NECAB1: variants seen among roughly 807,000 people sequenced by gnomAD.
The protein encoded by NECAB1 is N-terminal EF-hand calcium binding protein 1.
In NECAB1, 29 loss-of-function variants were observed where a neutral mutation model predicts 57.5. The ratio of observed to expected loss-of-function variants is 0.50; its 90% CI spans 0.38 to 0.69. The LOEUF (loss-of-function observed/expected upper bound fraction) is 0.69, where lower values mean the gene tolerates loss of function less well. Among genes scored for constraint, NECAB1 ranks in the 30% least tolerant of loss-of-function variants. The pLI, the probability that NECAB1 is intolerant of heterozygous loss-of-function variation, is 0.00. For missense variants in NECAB1, 372 were observed against 413.8 expected (o/e 0.90, Z 0.88); for synonymous variants, 142 against 147.7 (o/e 0.96, Z 0.28).
chr8:90,806,989 T>A (rs1811856866), intron 2 of NECAB1, among the ~76,000 whole-genome samples: 1 of 152,202 alleles, frequency 6.6e-6, no homozygotes, highest in Admixed American at 6.5e-5. Context: ...ATTTGGTGAT[T>A]TTTTTTCACT....
At chr8:90,828,170 G>A (rs1298869748) in intron 3 of NECAB1, among the ~76,000 whole-genome samples, 1 of 149,318 alleles carries the variant, frequency 6.7e-6, no homozygotes, top group Non-Finnish European at 1.5e-5. Context: ...GAATTACTTG[G>A]ATCTTTTCAG....
At chr8:90,864,693 C>T (rs1208045602) in intron 3 of NECAB1, among the ~76,000 whole-genome samples, 1 of 151,992 alleles carries the variant, frequency 6.6e-6, no homozygotes, top group African/African-American at 2.4e-5. Flanking sequence ...TTCTCCTACC[C>T]CTCTCTCCCA....
intron 5 of NECAB1, among the ~76,000 whole-genome samples, chr8:90,888,410 C>T (rs977926399): frequency 5.3e-5 from 8 of 152,136 alleles, no homozygotes; most frequent in African/African-American, 1.7e-4. Flanking sequence ...TGCAGACATT[C>T]ATGGGGGATA....
At chr8:90,793,766 A>T (rs1299370137) in intron 1 of NECAB1, among the ~76,000 whole-genome samples, 1 of 152,194 alleles carries the variant, frequency 6.6e-6, no homozygotes, top group African/African-American at 2.4e-5. Context: ...TGTGCTTTTT[A>T]AAAAGCACTT....
At chr8:90,920,221 C>G (rs557730678) in intron 6 of NECAB1, among the ~76,000 whole-genome samples, 35 of 152,220 alleles carry the variant, frequency 2.3e-4, no homozygotes, top group African/African-American at 8.4e-4. Flanking sequence ...AAAATCCCAC[C>G]CCAAATCTGT....
At position 90,881,105 on chromosome 8, in the gene NECAB1, T is replaced by G; in HGVS notation, c.332T>G (p.Leu111Arg). The G allele has an allele frequency of 6.2e-7, 1 of 1,604,622 alleles. No homozygotes were observed. The highest frequency in any genetic ancestry group is 8.5e-7 in the Non-Finnish European group (1 of 1,174,872). The change falls in exon 5 of 13, where the codon CTG (leucine) becomes CGG (arginine). Residue 111 changes from leucine to arginine, a missense_variant. By Grantham distance (102) the Leu-to-Arg change is moderately radical. Coordinates refer to ENST00000417640, the MANE Select transcript of NECAB1 (RefSeq NM_022351.5). Reference sequence around the variant, plus strand: ...CTTGAAGACCTGAATCTTTCCATCCTGAAGGCAATGGGCAAAACAAAGAAA... The same window carrying G: ...CTTGAAGACCTGAATCTTTCCATCCGGAAGGCAATGGGCAAAACAAAGAAA... ...AALEDLNLSI[L>R]KAMGKTKKDY...
At chr8:90,917,961 C>CAT (rs775167636) in intron 6 of NECAB1, among the ~76,000 whole-genome samples, 2 of 38,266 alleles carry the variant, frequency 5.2e-5, no homozygotes, top group African/African-American at 1.3e-3. Context: ...TACACACACA[C>CAT]ATATGTGTGT....
chr8:90,797,056 G>A (rs571478307), intron 1 of NECAB1, among the ~76,000 whole-genome samples: 26 of 152,174 alleles, frequency 1.7e-4, no homozygotes, highest in Non-Finnish European at 2.6e-4. Flanking sequence ...AATAGGATGC[G>A]TTTCATGTCT....
chr8:90,826,136 C>G (rs1209704696), intron 3 of NECAB1, among the ~76,000 whole-genome samples: 1 of 151,738 alleles, frequency 6.6e-6, no homozygotes, highest in Non-Finnish European at 1.5e-5. Flanking sequence ...GAAGAATATT[C>G]TAATCAGAGG....
intron 2 of NECAB1, among the ~76,000 whole-genome samples, chr8:90,822,541 A>G (rs56216319): frequency 0.15 from 23,100 of 151,666 alleles, 3,212 homozygotes; most frequent in African/African-American, 0.37. Context: ...TAATAAGAGG[A>G]TTTTTTTCTA....
intron 3 of NECAB1, among the ~76,000 whole-genome samples, chr8:90,833,168 C>G (rs754796721): frequency 2.0e-5 from 3 of 151,900 alleles, no homozygotes; most frequent in Admixed American, 6.6e-5. Flanking sequence ...TCTATCCTAC[C>G]TTTATACTTA....
intron 3 of NECAB1, among the ~76,000 whole-genome samples, chr8:90,850,161 ATAGC>A (rs1812656479): frequency 2.0e-5 from 3 of 152,236 alleles, no homozygotes; most frequent in Admixed American, 2.0e-4. Flanking sequence ...GATGTGGAAA[ATAGC>A]TAGAGGGACA....
intron 2 of NECAB1, among the ~76,000 whole-genome samples, chr8:90,822,540 GA>G (rs1363971452): frequency 1.3e-5 from 2 of 151,648 alleles, no homozygotes; most frequent in African/African-American, 4.8e-5. Context: ...CTAATAAGAG[GA>G]TTTTTTTCTA....
intron 4 of NECAB1, among the ~76,000 whole-genome samples, chr8:90,875,037 T>C (rs1177288998): frequency 1.3e-5 from 2 of 152,162 alleles, no homozygotes; most frequent in Non-Finnish European, 2.9e-5. Context: ...ATTAAAGCTT[T>C]GATTTTGTAT....
intron 5 of NECAB1, among the ~76,000 whole-genome samples, chr8:90,905,307 T>C (rs576156762): frequency 1.3e-5 from 2 of 152,266 alleles, no homozygotes; most frequent in African/African-American, 2.4e-5. Context: ...TTACTGAAAC[T>C]CTTGTTTGCA....
At chr8:90,799,836 G>A (rs1444512484) in intron 1 of NECAB1, among the ~76,000 whole-genome samples, 5 of 152,082 alleles carry the variant, frequency 3.3e-5, no homozygotes, top group Non-Finnish European at 7.4e-5. Context: ...TTCTAATTCT[G>A]TAAAAAATGA....
chr8:90,958,463 A>C lies in NECAB1; in HGVS notation c.*2951A>C, dbSNP rs2130293358. 1 of 151,750 alleles carries C rather than the reference A, an allele frequency of 6.6e-6. No homozygotes were observed. Among genetic ancestry groups the C allele is most frequent in the Non-Finnish European group, 1.5e-5 (1 of 67,700 alleles). 9.4% of individuals were successfully genotyped at this position (151,750 alleles called of 1,614,324 possible). A position where few individuals can be genotyped will look rare whatever the true frequency, so the allele number is the denominator to read the frequency against. Reference sequence around the variant, plus strand: ...GAGACCAATCATATATCTGAAAAGAAATACCCATTAAAAATTCTGCCTCCT... The same window carrying C: ...GAGACCAATCATATATCTGAAAAGACATACCCATTAAAAATTCTGCCTCCT... On this transcript the variant is annotated 3_prime_UTR_variant, in exon 13 of 13. Transcript: ENST00000417640.
At chr8:90,942,750 C>A (rs1810702834) in intron 10 of NECAB1, among the ~76,000 whole-genome samples, 1 of 152,086 alleles carries the variant, frequency 6.6e-6, no homozygotes, top group South Asian at 2.1e-4. Flanking sequence ...GGCATGGTAG[C>A]ATGTGCCTGT....
intron 5 of NECAB1, among the ~76,000 whole-genome samples, chr8:90,907,149 TGTGAGA>T (rs1181319495): frequency 4.7e-5 from 5 of 107,222 alleles, no homozygotes; most frequent in Non-Finnish European, 5.4e-5. Context: ...TGTGTGTGTG[TGTGAGA>T]GAGAGAGAGA....
Sources: gnomAD v4.1 joint callset for allele counts (sites outside exome capture counted in the v4.1 genomes callset) on GRCh38, gnomAD v4.1.1 for gene constraint, MANE v1.5 for transcripts, NCBI Gene and HGNC (gene_info 2026-07-23, HGNC 2026-07-21) for gene names.